The following MAF variants were observed in gnomAD, a reference collection of about 807,000 sequenced individuals.
MAF encodes transcription factor Maf.
In MAF, 10 loss-of-function variants were observed where a neutral mutation model predicts 22.0. The observed-to-expected ratio is 0.45, with a 90% CI of 0.28 to 0.77. The LOEUF (loss-of-function observed/expected upper bound fraction) is 0.77. Ranked by LOEUF, MAF falls within the 30% of genes least tolerant of loss-of-function variation. The pLI, the probability that MAF is intolerant of heterozygous loss-of-function variation, is 0.12. For missense variants in MAF, 544 were observed against 548.4 expected (o/e 0.99, Z 0.08); for synonymous variants, 337 against 255.8 (o/e 1.32, Z -3.03).
chr16:79,372,709 G>A, the MAF span, among the ~76,000 whole-genome samples: 6 of 152,184 alleles, frequency 3.9e-5, no homozygotes, highest in African/African-American at 1.4e-4. Context: ...CTCAGGAGCT[G>A]TGATTCACTC....
chr16:79,443,612 C>G, the MAF span, among the ~76,000 whole-genome samples: 3 of 152,220 alleles, frequency 2.0e-5, no homozygotes, highest in Non-Finnish European at 2.9e-5. Context: ...CATCTAGGAA[C>G]AAATCCTAAC....
At chr16:79,356,885 A>C in the MAF span, among the ~76,000 whole-genome samples, 1 of 152,194 alleles carries the variant, frequency 6.6e-6, no homozygotes, top group African/African-American at 2.4e-5. Context: ...ACTTGTATGA[A>C]GGTGAATGTA....
chr16:79,506,599 G>T, the MAF span, among the ~76,000 whole-genome samples: 1 of 152,160 alleles, frequency 6.6e-6, no homozygotes, highest in Non-Finnish European at 1.5e-5. Context: ...CAAGAAGAGG[G>T]GCCAGAGAGG....
chr16:79,245,586 G>A, the MAF span, among the ~76,000 whole-genome samples: 3 of 152,000 alleles, frequency 2.0e-5, no homozygotes, highest in African/African-American at 7.2e-5. Context: ...TGGAGAAATA[G>A]GAACACTTTT....
the MAF span, among the ~76,000 whole-genome samples, chr16:79,405,567 C>T: frequency 6.6e-6 from 1 of 152,204 alleles, no homozygotes; most frequent in Non-Finnish European, 1.5e-5. Flanking sequence ...TTTTGACCCA[C>T]ACCGTTTATC....
chr16:79,423,361 A>G, the MAF span, among the ~76,000 whole-genome samples: 1 of 152,146 alleles, frequency 6.6e-6, no homozygotes. Context: ...AGCGTGTCCA[A>G]GATGTGGAAG....
the MAF span, among the ~76,000 whole-genome samples, chr16:79,320,290 G>A: frequency 6.6e-6 from 1 of 152,166 alleles, no homozygotes; most frequent in African/African-American, 2.4e-5. Context: ...TAAGAATAAA[G>A]GAGAAAGCTG....
At chr16:79,485,834 C>A in the MAF span, among the ~76,000 whole-genome samples, 3 of 152,092 alleles carry the variant, frequency 2.0e-5, no homozygotes, top group African/African-American at 7.2e-5. Flanking sequence ...GGCCCAGGGG[C>A]GGCCAGCGGC....
chr16:79,458,109 A>AGTGTGGGTGTGT, the MAF span, among the ~76,000 whole-genome samples: 1 of 136,328 alleles, frequency 7.3e-6, no homozygotes, highest in East Asian at 2.2e-4. Flanking sequence ...GGTATGTATA[A>AGTGTGGGTGTGT]GTGTGTGTGT....
chr16:79,488,472 T>G, the MAF span, among the ~76,000 whole-genome samples: 3 of 152,082 alleles, frequency 2.0e-5, no homozygotes, highest in African/African-American at 7.2e-5. Context: ...TCACTCTATG[T>G]AAATGGAAGT....
At chr16:79,299,319 A>G in the MAF span, among the ~76,000 whole-genome samples, 10 of 151,600 alleles carry the variant, frequency 6.6e-5, no homozygotes, top group African/African-American at 2.4e-4. Flanking sequence ...GAAAAAGAAA[A>G]TGGAAAAGAA....
At chr16:79,448,690 G>T in the MAF span, among the ~76,000 whole-genome samples, 1 of 151,922 alleles carries the variant, frequency 6.6e-6, no homozygotes, top group African/African-American at 2.4e-5. Context: ...CTCCCAAAGT[G>T]CTGGGATTAC....
At chr16:79,287,034 G>C in the MAF span, among the ~76,000 whole-genome samples, 3 of 152,068 alleles carry the variant, frequency 2.0e-5, no homozygotes, top group African/African-American at 7.2e-5. Context: ...TATGTCAGCA[G>C]GCTGCTGACT....
chr16:79,591,773 G>C (rs912232624), downstream of MAF, among the ~76,000 whole-genome samples: 4 of 152,190 alleles, frequency 2.6e-5, no homozygotes. Flanking sequence ...CTGTCACGAT[G>C]TCATAAAACT....
chr16:79,345,141 G>T, the MAF span, among the ~76,000 whole-genome samples: 1 of 152,134 alleles, frequency 6.6e-6, no homozygotes, highest in Non-Finnish European at 1.5e-5. Context: ...GTTTTCACTT[G>T]TACCTCCTTT....
chr16:79,236,742 A>T, the MAF span, among the ~76,000 whole-genome samples: 1 of 151,854 alleles, frequency 6.6e-6, no homozygotes, highest in Non-Finnish European at 1.5e-5. Flanking sequence ...GGTCCTCAGC[A>T]TTCCCCATTG....
At chr16:79,487,597 A>T in the MAF span, among the ~76,000 whole-genome samples, 3 of 152,332 alleles carry the variant, frequency 2.0e-5, no homozygotes, top group African/African-American at 7.2e-5. Context: ...GTCCGTTTGG[A>T]TCCACTCCAA....
At chr16:79,347,419 T>G in the MAF span, among the ~76,000 whole-genome samples, 1 of 152,060 alleles carries the variant, frequency 6.6e-6, no homozygotes, top group Non-Finnish European at 1.5e-5. Flanking sequence ...CACGTTAGAG[T>G]TGACAAGGAG....
the MAF span, among the ~76,000 whole-genome samples, chr16:79,575,151 G>A: frequency 4.6e-5 from 7 of 151,854 alleles, no homozygotes; most frequent in Non-Finnish European, 1.0e-4. Context: ...TCAGAGACCC[G>A]TTTATGCCCC....
Sources: gnomAD v4.1 joint callset for allele counts (sites outside exome capture counted in the v4.1 genomes callset) on GRCh38, gnomAD v4.1.1 for gene constraint, MANE v1.5 for transcripts, NCBI Gene and HGNC (gene_info 2026-07-23, HGNC 2026-07-21) for gene names.